The following CCDC178 variants were observed in gnomAD, a reference collection of about 807,000 sequenced individuals.
CCDC178 encodes the protein coiled-coil domain containing 178.
Under a neutral mutation model 117.4 loss-of-function variants are expected in CCDC178, and 126 were observed. The observed-to-expected ratio is 1.07, with a 90% CI of 0.93 to 1.24. The LOEUF (loss-of-function observed/expected upper bound fraction) is 1.24, where lower values mean the gene tolerates loss of function less well. Ranked by LOEUF, CCDC178 falls within the 50% of genes most tolerant of loss-of-function variation. The probability of loss-of-function intolerance (pLI) is 0.00; values close to 1 mark genes in which losing one functional copy is unlikely to be tolerated. For missense variants in CCDC178, 1,030 were observed against 986.9 expected (o/e 1.04, Z -0.59); for synonymous variants, 283 against 313.4 (o/e 0.90, Z 1.02).
intron 20 of CCDC178, among the ~76,000 whole-genome samples, chr18:33,102,892 G>A (rs1233617373): frequency 6.6e-6 from 1 of 151,772 alleles, no homozygotes; most frequent in Non-Finnish European, 1.5e-5. Flanking sequence ...ATACTCATTG[G>A]TTTACATATT....
chr18:33,257,185 T>C (rs1189498755), intron 14 of CCDC178, among the ~76,000 whole-genome samples: 2 of 152,072 alleles, frequency 1.3e-5, no homozygotes, highest in African/African-American at 2.4e-5. Flanking sequence ...AACTTTTCTA[T>C]GATAATTTCT....
chr18:33,365,436 T>C (rs2063189461), intron 6 of CCDC178, among the ~76,000 whole-genome samples: 1 of 152,092 alleles, frequency 6.6e-6, no homozygotes, highest in South Asian at 2.1e-4. Context: ...ATGCTGGCTC[T>C]GCCACTGACA....
intron 20 of CCDC178, among the ~76,000 whole-genome samples, chr18:33,145,695 C>T (rs1488226403): frequency 1.3e-5 from 2 of 152,116 alleles, no homozygotes; most frequent in Non-Finnish European, 2.9e-5. Context: ...AAATTTGAGG[C>T]CAAGACACTA....
At chr18:33,288,820 CATTAT>C (rs757112832) in intron 12 of CCDC178, among the ~76,000 whole-genome samples, 1 of 152,016 alleles carries the variant, frequency 6.6e-6, no homozygotes, top group African/African-American at 2.4e-5. Context: ...GTCAAACAGA[CATTAT>C]ATTATGAGGG....
At chr18:33,433,447 T>C (rs566625715) in intron 2 of CCDC178, among the ~76,000 whole-genome samples, 29 of 152,282 alleles carry the variant, frequency 1.9e-4, no homozygotes, top group Non-Finnish European at 3.4e-4. Flanking sequence ...CTTTTCCTAC[T>C]AGAGGCCTTC....
intron 12 of CCDC178, among the ~76,000 whole-genome samples, chr18:33,286,565 T>C (rs1326495835): frequency 1.3e-5 from 2 of 152,198 alleles, no homozygotes; most frequent in Non-Finnish European, 2.9e-5. Flanking sequence ...CATATTTGAA[T>C]GGGTATTTTG....
chr18:33,041,398 A>G (rs79228188), intron 21 of CCDC178, among the ~76,000 whole-genome samples: 5,262 of 151,194 alleles, frequency 0.035, 147 homozygotes, highest in East Asian at 0.08. Flanking sequence ...AATCTTCCCT[A>G]TGTATATCAA....
At chr18:33,314,111 G>C (rs2144965256) in intron 11 of CCDC178, among the ~76,000 whole-genome samples, 1 of 143,766 alleles carries the variant, frequency 7.0e-6, no homozygotes, top group Non-Finnish European at 1.5e-5. Context: ...TGAGGCAGGA[G>C]AATGGCGTGA....
chr18:32,989,082 G>GA (rs2055333698), intron 21 of CCDC178, among the ~76,000 whole-genome samples: 1 of 151,922 alleles, frequency 6.6e-6, no homozygotes, highest in South Asian at 2.1e-4. Context: ...TCAGAAAATA[G>GA]AAAAAGAGAG....
At chr18:33,117,964 C>G (rs2144196535) in intron 20 of CCDC178, among the ~76,000 whole-genome samples, 1 of 152,168 alleles carries the variant, frequency 6.6e-6, no homozygotes, top group South Asian at 2.1e-4. Flanking sequence ...GTAGTAGCAG[C>G]CCAATTTCCC....
intron 12 of CCDC178, among the ~76,000 whole-genome samples, chr18:33,276,381 T>C (rs2059950371): frequency 6.6e-6 from 1 of 152,086 alleles, no homozygotes; most frequent in Non-Finnish European, 1.5e-5. Context: ...AGATACTTAC[T>C]AGATATCTAA....
At chr18:33,365,062 T>C (rs1320254008) in intron 6 of CCDC178, among the ~76,000 whole-genome samples, 1 of 151,890 alleles carries the variant, frequency 6.6e-6, no homozygotes, top group African/African-American at 2.4e-5. Flanking sequence ...CTCCAACTGA[T>C]GAATGTTTAG....
rs141978564 is a variant in CCDC178, at chr18:33,072,532, CTT to C, written c.2388+20227_2388+20228del. Among the ~76,000 whole-genome samples, 196 of 152,246 alleles carry C rather than the reference CTT, an allele frequency of 1.3e-3. 2 individuals are homozygous for C. Among genetic ancestry groups the C allele is most frequent in the Middle Eastern group, 3.4e-3 (1 of 294 alleles). ...TGGAGGAAACAAGCTGACTAGGTGA[CTT>C]TGCCAAGGTCTTATCAGAGCCAGGA... On this transcript the variant is annotated intron_variant, in intron 21 of 22. Transcript: ENST00000383096.
intron 11 of CCDC178, among the ~76,000 whole-genome samples, chr18:33,306,412 T>TGTGTGTG (rs1555681313): frequency 7.9e-6 from 1 of 126,252 alleles, no homozygotes; most frequent in Admixed American, 8.3e-5. Context: ...TATTGGATCT[T>TGTGTGTG]TGTGTGTGTG....
rs1045113646 is a variant in CCDC178 at position 33,345,424 on chromosome 18, TAA to T, written c.658+785_658+786del. Among the ~76,000 whole-genome samples the T allele has an allele frequency of 2.0e-5, 3 of 152,284 alleles. No individual in the cohort carries two copies. The South Asian group carries it at 6.2e-4, about 32-fold the overall frequency. ...TTCCTTTTTTACCTTTCGTTAAAGG[TAA>T]AACACTTGCTACCTGCATGACTCTT... is the stretch of plus-strand genomic sequence containing the variant. On this transcript the variant is annotated intron_variant, in intron 9 of 22. Coordinates refer to ENST00000383096, the MANE Select transcript of CCDC178 (RefSeq NM_001105528.4).
At chr18:33,041,138 T>C (rs1479241584) in intron 21 of CCDC178, among the ~76,000 whole-genome samples, 1 of 151,754 alleles carries the variant, frequency 6.6e-6, no homozygotes, top group Non-Finnish European at 1.5e-5. Context: ...AATGAACCCA[T>C]CAAGACACAA....
chr18:33,286,468 G>A (rs186014076), intron 12 of CCDC178, among the ~76,000 whole-genome samples: 1 of 152,066 alleles, frequency 6.6e-6, no homozygotes, highest in Non-Finnish European at 1.5e-5. Flanking sequence ...TAAATTGTTA[G>A]TATTAGAAAT....
intron 21 of CCDC178, among the ~76,000 whole-genome samples, chr18:33,051,706 T>A (rs574527035): frequency 2.6e-5 from 4 of 152,304 alleles, no homozygotes; most frequent in Admixed American, 6.5e-5. Context: ...GCCAGAAAGA[T>A]TTTTGCTCAG....
intron 7 of CCDC178, among the ~76,000 whole-genome samples, chr18:33,349,416 G>T (rs2062941300): frequency 6.6e-6 from 1 of 151,796 alleles, no homozygotes; most frequent in African/African-American, 2.4e-5. Flanking sequence ...TTAAAATGTT[G>T]TTTCCTTCCT....
Sources: allele counts gnomAD v4.1 joint callset (sites outside exome capture counted in the v4.1 genomes callset), GRCh38; gene constraint gnomAD v4.1.1; transcripts MANE v1.5; gene names NCBI Gene and HGNC (gene_info 2026-07-23, HGNC 2026-07-21).